CSMD1: variants seen among roughly 807,000 people sequenced by gnomAD.
CSMD1 encodes CUB and sushi domain-containing protein 1.
Under a neutral mutation model 417.5 loss-of-function variants are expected in CSMD1, and 213 were observed. That is an observed-to-expected ratio of 0.51 (90% CI 0.46 to 0.57). The LOEUF is 0.57. CSMD1 is among the 20% of genes least tolerant of loss of function. The pLI is 0.00. For synonymous variants in CSMD1, 2,862 were observed against 1,736.8 expected (o/e 1.65, Z -16.11); for missense variants, 6,923 against 4,529.7 (o/e 1.53, Z -15.17).
intron 54 of CSMD1, among the ~76,000 whole-genome samples, chr8:2,984,509 C>T (rs1007777841): frequency 2.6e-5 from 4 of 152,088 alleles, no homozygotes; most frequent in Non-Finnish European, 2.9e-5. Context: ...CCACCATGCT[C>T]GGCTAATTTT....
intron 10 of CSMD1, among the ~76,000 whole-genome samples, chr8:3,530,764 G>T (rs1467619604): frequency 6.6e-5 from 10 of 151,976 alleles, no homozygotes; most frequent in Non-Finnish European, 1.3e-4. Context: ...CCTGACCTCA[G>T]GTGATTCTCC....
chr8:3,045,435 T>A (rs1168721178), intron 50 of CSMD1, among the ~76,000 whole-genome samples: 1 of 152,228 alleles, frequency 6.6e-6, no homozygotes, highest in Non-Finnish European at 1.5e-5. Flanking sequence ...AGCCCTGTCA[T>A]ATGTTTTACA....
chr8:3,692,363 G>C (rs745653210), intron 7 of CSMD1, among the ~76,000 whole-genome samples: 25 of 152,120 alleles, frequency 1.6e-4, no homozygotes, highest in African/African-American at 5.3e-4. Context: ...TCAGGAAAGA[G>C]ACTCGCTGCT....
intron 3 of CSMD1, among the ~76,000 whole-genome samples, chr8:4,182,287 G>C (rs994257187): frequency 6.6e-6 from 1 of 152,096 alleles, no homozygotes; most frequent in African/African-American, 2.4e-5. Context: ...GTTTAAAAGA[G>C]GGTAAAGTTC....
rs139345653 is a variant in CSMD1 at position 4,464,180 on chromosome 8, A to G, written c.303-44115T>C. Among the ~76,000 whole-genome samples the G allele has an allele frequency of 4.9e-4, 75 of 152,276 alleles. No individual in the cohort carries two copies. In the East Asian group the frequency reaches 0.013, roughly 26 times the overall value. ...TCTACTTCCTCTCTACTTCACTTAC[A>G]GGACTCTAATTTAGCCTTCCAAGAC... On this transcript the variant is annotated intron_variant, in intron 2 of 69. Coordinates refer to ENST00000635120, the MANE Select transcript of CSMD1 (RefSeq NM_033225.6).
intron 1 of CSMD1, among the ~76,000 whole-genome samples, chr8:4,703,953 G>A (rs1807749021): frequency 6.6e-6 from 1 of 152,108 alleles, no homozygotes; most frequent in Non-Finnish European, 1.5e-5. Context: ...ACACAACCTA[G>A]ATCCCTCACA....
At chr8:3,071,290 G>A (rs1247103702) in intron 49 of CSMD1, among the ~76,000 whole-genome samples, 1 of 152,084 alleles carries the variant, frequency 6.6e-6, no homozygotes, top group African/African-American at 2.4e-5. Flanking sequence ...ATGTAAGTGG[G>A]AGATGAACAA....
chr8:4,294,579 G>A (rs1196300126), intron 3 of CSMD1, among the ~76,000 whole-genome samples: 1 of 152,128 alleles, frequency 6.6e-6, no homozygotes, highest in Non-Finnish European at 1.5e-5. Flanking sequence ...AGAATGAAGT[G>A]AAACCAGAAA....
chr8:4,877,982 C>T (rs1168378068), intron 1 of CSMD1, among the ~76,000 whole-genome samples: 3 of 152,096 alleles, frequency 2.0e-5, no homozygotes, highest in Non-Finnish European at 4.4e-5. Flanking sequence ...TGTATGTGCA[C>T]ACCCATGACC....
intron 10 of CSMD1, among the ~76,000 whole-genome samples, chr8:3,504,885 A>G (rs1212272236): frequency 6.6e-6 from 1 of 152,202 alleles, no homozygotes; most frequent in Non-Finnish European, 1.5e-5. Flanking sequence ...GTGGCAAGGA[A>G]AATTTCTGAA....
At chr8:3,290,295 G>T (rs567441963) in intron 25 of CSMD1, among the ~76,000 whole-genome samples, 1 of 147,126 alleles carries the variant, frequency 6.8e-6, no homozygotes, top group Non-Finnish European at 1.5e-5. Flanking sequence ...GCTTAGGATT[G>T]ACTTGGTGAT....
chr8:4,218,793 T>G (rs1229966700), intron 3 of CSMD1, among the ~76,000 whole-genome samples: 1 of 152,196 alleles, frequency 6.6e-6, no homozygotes, highest in Non-Finnish European at 1.5e-5. Context: ...TATACAGACT[T>G]AACTTCTGTT....
At chr8:4,103,646 T>G (rs1229825191) in intron 3 of CSMD1, among the ~76,000 whole-genome samples, 2 of 152,148 alleles carry the variant, frequency 1.3e-5, no homozygotes, top group African/African-American at 2.4e-5. Context: ...TTAAATCTCA[T>G]TAGGTATCTG....
chr8:4,891,563 T>A (rs999348423), intron 1 of CSMD1, among the ~76,000 whole-genome samples: 9 of 152,230 alleles, frequency 5.9e-5, no homozygotes, highest in Non-Finnish European at 4.4e-5. Flanking sequence ...ATTCCTAGCA[T>A]CTTGCAATTT....
At chr8:3,440,422 T>G (rs1255959525) in intron 12 of CSMD1, among the ~76,000 whole-genome samples, 1 of 152,214 alleles carries the variant, frequency 6.6e-6, no homozygotes, top group East Asian at 1.9e-4. Flanking sequence ...AAATTGTATT[T>G]TAAAGAAATT....
chr8:4,985,890 CACA>C (rs1478670665), intron 1 of CSMD1, among the ~76,000 whole-genome samples: 2 of 152,110 alleles, frequency 1.3e-5, no homozygotes, highest in African/African-American at 2.4e-5. Context: ...GGAAAAGAGA[CACA>C]ACAAGAATTG....
At chr8:2,950,028 T>G (rs1802516341) in intron 67 of CSMD1, among the ~76,000 whole-genome samples, 1 of 152,182 alleles carries the variant, frequency 6.6e-6, no homozygotes, top group African/African-American at 2.4e-5. Flanking sequence ...GCCAGTTCAT[T>G]GCTTACTTCT....
At chr8:3,954,747 C>T (rs937532379) in intron 5 of CSMD1, among the ~76,000 whole-genome samples, 21 of 151,780 alleles carry the variant, frequency 1.4e-4, no homozygotes, top group African/African-American at 4.8e-4. Flanking sequence ...CCCTCCTTGC[C>T]CCTCAGAACT....
At chr8:3,440,705 T>C (rs1394809257) in intron 12 of CSMD1, among the ~76,000 whole-genome samples, 1 of 152,210 alleles carries the variant, frequency 6.6e-6, no homozygotes, top group African/African-American at 2.4e-5. Flanking sequence ...AGAGTGGATA[T>C]CCTTGGTGGG....
Sources: allele counts gnomAD v4.1 joint callset (sites outside exome capture counted in the v4.1 genomes callset), GRCh38; gene constraint gnomAD v4.1.1; transcripts MANE v1.5; gene names NCBI Gene and HGNC (gene_info 2026-07-23, HGNC 2026-07-21).